Variants in FAT3 observed in about 807,000 individuals in gnomAD.
The protein encoded by FAT3 is protocadherin Fat 3.
In FAT3, 95 loss-of-function variants were observed where a neutral mutation model predicts 310.2. That is an observed-to-expected ratio of 0.31 (90% CI 0.26 to 0.36). The LOEUF is 0.36. Among genes scored for constraint, FAT3 ranks in the 10% least tolerant of loss-of-function variants. The pLI is 1.00. For missense variants in FAT3, 5,408 were observed against 5,715.6 expected, an observed-to-expected ratio of 0.95 and a Z score of 1.74; for synonymous variants, 2,314 against 2,192.9, an observed-to-expected ratio of 1.06 and a Z score of -1.54.
At chr11:92,228,333 C>T (rs1158450365) in intron 1 of FAT3, among the ~76,000 whole-genome samples, 1 of 151,886 alleles carries the variant, frequency 6.6e-6, no homozygotes, top group Non-Finnish European at 1.5e-5. Context: ...TTAATAGGAC[C>T]CAGTCTGTCT....
intron 3 of FAT3, among the ~76,000 whole-genome samples, chr11:92,536,139 A>G (rs896195623): frequency 2.0e-5 from 3 of 152,124 alleles, no homozygotes; most frequent in Non-Finnish European, 4.4e-5. Flanking sequence ...CGTTCTTATA[A>G]AAGTGTGTAA....
At chr11:92,547,796 TG>T (rs1591433610) in intron 3 of FAT3, among the ~76,000 whole-genome samples, 1 of 152,192 alleles carries the variant, frequency 6.6e-6, no homozygotes, top group African/African-American at 2.4e-5. Context: ...GAGACCCACT[TG>T]GCCCTGAAAC....
chr11:92,272,002 A>T (rs1184684419), intron 1 of FAT3, among the ~76,000 whole-genome samples: 1 of 152,068 alleles, frequency 6.6e-6, no homozygotes, highest in African/African-American at 2.4e-5. Flanking sequence ...TCTTTTCATT[A>T]TATGGCCCTA....
At chr11:92,651,225 T>C (rs916365681) in intron 3 of FAT3, among the ~76,000 whole-genome samples, 1 of 152,244 alleles carries the variant, frequency 6.6e-6, no homozygotes, top group African/African-American at 2.4e-5. Flanking sequence ...TGCCTGAGTG[T>C]ACCTAGACCT....
Position 92,352,968 on chromosome 11 carries a change from A to G in FAT3, c.856A>G (p.Thr286Ala). 1 of 1,613,904 alleles carries G rather than the reference A, an allele frequency of 6.2e-7. No individual in the cohort carries two copies. The highest frequency in any genetic ancestry group is 1.1e-5 in the South Asian group (1 of 91,082). Residue 286 changes from threonine (T) to alanine (A), a missense_variant, in exon 2 of 28, where the codon ACA becomes GCA. Physicochemically the swap from Thr to Ala is moderately conservative, Grantham distance 58. Coordinates refer to ENST00000525166, the MANE Select transcript of FAT3 (RefSeq NM_001367949.2). ...AAAAGAGCCAACATATGCAGTGGTG[A>G]CAGTTGATGACTTAGATGATGGAGC... ...LEKEPTYAVV[T>A]VDDLDDGANG...
chr11:92,669,389 A>G (rs1943059054), intron 3 of FAT3, among the ~76,000 whole-genome samples: 1 of 152,216 alleles, frequency 6.6e-6, no homozygotes, highest in South Asian at 2.1e-4. Context: ...GTGCCTCTGC[A>G]AGCACATAGG....
intron 3 of FAT3, among the ~76,000 whole-genome samples, chr11:92,603,296 C>T (rs1210730060): frequency 6.6e-6 from 1 of 152,186 alleles, no homozygotes; most frequent in Non-Finnish European, 1.5e-5. Context: ...ATAGTAACTT[C>T]TGCTTCTTTT....
At chr11:92,570,202 C>G (rs1375486820) in intron 3 of FAT3, among the ~76,000 whole-genome samples, 3 of 152,186 alleles carry the variant, frequency 2.0e-5, no homozygotes, top group Admixed American at 2.0e-4. Context: ...GCCTCATTCC[C>G]TCACAGTGCT....
chr11:92,426,326 A>T (rs1329732222), intron 2 of FAT3, among the ~76,000 whole-genome samples: 2 of 152,138 alleles, frequency 1.3e-5, no homozygotes, highest in Non-Finnish European at 2.9e-5. Context: ...CCAATTATGT[A>T]GGTTGCCTGT....
chr11:92,352,255 A>G lies in FAT3; in HGVS notation c.143A>G (p.Tyr48Cys). The change falls in exon 2 of 28, where the codon TAT (tyrosine) becomes TGT (cysteine). Residue 48 changes from tyrosine to cysteine, a missense_variant. Physicochemically the swap from Tyr to Cys is radical, Grantham distance 194. Transcript: ENST00000525166. ...PLGFHFTHSI[Y>C]NATVYENSAA... The stretch of plus-strand genomic sequence containing the variant: ...GGCTTCCACTTCACACATTCCATTT[A>G]TAATGCTACCGTGTATGAGAACTCA... 7.1e-7 allele frequency: 1 copy of G among 1,414,908 alleles called. No individual in the cohort carries two copies. The highest frequency in any genetic ancestry group is 9.5e-7 in the Non-Finnish European group (1 of 1,053,536). The allele number at this position is 1,414,908 out of a possible 1,614,324, so 87.6% of individuals were successfully genotyped here.
At chr11:92,370,677 T>G (rs1762128530) in intron 2 of FAT3, among the ~76,000 whole-genome samples, 2 of 152,208 alleles carry the variant, frequency 1.3e-5, no homozygotes, top group Non-Finnish European at 2.9e-5. Context: ...GACTGCTAAT[T>G]TATCCTACAC....
In FAT3 at chr11:92,707,859, G is replaced by C. The variant is rs151188083; in HGVS notation, c.3669+10414G>C. Among the ~76,000 whole-genome samples the C allele has an allele frequency of 4.2e-3, 634 of 152,334 alleles. 1 individual carries two copies. Among genetic ancestry groups the C allele is most frequent in the Non-Finnish European group, 7.0e-3 (473 of 68,038 alleles). On this transcript the variant is annotated intron_variant, in intron 4 of 27. Coordinates refer to ENST00000525166, the MANE Select transcript of FAT3 (RefSeq NM_001367949.2). ...CCAGTTGAGGACTTCATATCTGTCT[G>C]TGGGAAAATTTAAAATGTAATGACA...
rs531128445 is a variant in FAT3 at position 92,804,766 on chromosome 11, T to C, written c.8897-387T>C. ...ACTGCATAATCAACGGCTAATGAAA[T>C]TGTCTTGGTAACAAGAGCTAGAGTG... On this transcript the variant is annotated intron_variant, in intron 10 of 27. Transcript: ENST00000525166. Among the ~76,000 whole-genome samples, 13 of 152,296 alleles carry C rather than the reference T, an allele frequency of 8.5e-5. No homozygotes were observed. In the South Asian group the frequency reaches 2.7e-3, roughly 32 times the overall value.
At chr11:92,747,186 C>T (rs1406217355) in intron 4 of FAT3, among the ~76,000 whole-genome samples, 4 of 141,630 alleles carry the variant, frequency 2.8e-5, no homozygotes, top group Admixed American at 1.4e-4. Flanking sequence ...AAACTTCTGC[C>T]TGGACATCCA....
chr11:92,839,940 C>T (rs1255281227), intron 17 of FAT3, among the ~76,000 whole-genome samples: 1 of 152,162 alleles, frequency 6.6e-6, no homozygotes, highest in Admixed American at 6.5e-5. Context: ...ATTAAGGATT[C>T]CTGTTCTGTT....
chr11:92,383,215 C>T (rs1257504049), intron 2 of FAT3, among the ~76,000 whole-genome samples: 1 of 152,224 alleles, frequency 6.6e-6, no homozygotes, highest in Non-Finnish European at 1.5e-5. Flanking sequence ...ATATGTACCA[C>T]ATTTTCTTTA....
chr11:92,867,151 C>A lies in FAT3; in HGVS notation c.12069C>A (p.Asp4023Glu). Residue 4023 changes from aspartate to glutamate, a missense_variant, in exon 22 of 28, where the codon GAC becomes GAA. Transcript: ENST00000525166. Reference protein sequence around the residue: ...ELKLGCVLYPDACKRSPCQHG... With the variant: ...ELKLGCVLYPEACKRSPCQHG... The stretch of plus-strand genomic sequence containing the variant: ...AGCTGGGCTGCGTGCTCTATCCCGA[C>A]GCCTGCAAGCGCAGCCCGTGCCAGC... The A allele has an allele frequency of 1.3e-6, 2 of 1,599,070 alleles. No individual in the cohort carries two copies. The highest frequency in any genetic ancestry group is 4.5e-5 in the East Asian group (2 of 44,298).
intron 2 of FAT3, among the ~76,000 whole-genome samples, chr11:92,443,798 G>C (rs1476459291): frequency 2.0e-5 from 3 of 152,078 alleles, no homozygotes; most frequent in Non-Finnish European, 4.4e-5. Flanking sequence ...CGAAGGAGGA[G>C]GTAGGAGGAG....
chr11:92,410,476 T>G (rs1184950848), intron 2 of FAT3, among the ~76,000 whole-genome samples: 1 of 152,124 alleles, frequency 6.6e-6, no homozygotes, highest in Non-Finnish European at 1.5e-5. Context: ...ATCTGAGAGA[T>G]TATGATGCGA....
Sources: gnomAD v4.1 joint callset for allele counts (sites outside exome capture counted in the v4.1 genomes callset) on GRCh38, gnomAD v4.1.1 for gene constraint, MANE v1.5 for transcripts, NCBI Gene and HGNC (gene_info 2026-07-23, HGNC 2026-07-21) for gene names.